The following SPIDR variants were observed in gnomAD, a reference collection of about 807,000 sequenced individuals.
The protein encoded by SPIDR is scaffold protein involved in DNA repair, also known as DNA repair-scaffolding protein.
A neutral mutation model predicts 104.6 loss-of-function variants in SPIDR; 93 were observed. That is an observed-to-expected ratio of 0.89 (90% CI 0.75 to 1.06). SPIDR has a LOEUF of 1.06. SPIDR is among the 50% of genes least tolerant of loss of function. The pLI, the probability that SPIDR is intolerant of heterozygous loss-of-function variation, is 0.00. For synonymous variants in SPIDR, 431 were observed against 416.9 expected (o/e 1.03, Z -0.41); for missense variants, 1,154 against 1,111.2 (o/e 1.04, Z -0.55).
chr8:47,709,171 C>T (rs1441091830), intron 14 of SPIDR, among the ~76,000 whole-genome samples: 1 of 152,036 alleles, frequency 6.6e-6, no homozygotes, highest in African/African-American at 2.4e-5. Context: ...GATGGAGTCT[C>T]TCTCTGTCGC....
intron 5 of SPIDR, among the ~76,000 whole-genome samples, chr8:47,337,478 G>A (rs942173709): frequency 6.6e-6 from 1 of 151,762 alleles, no homozygotes; most frequent in Non-Finnish European, 1.5e-5. Context: ...GTATGTATTC[G>A]GTGTACAAGT....
At chr8:47,419,860 C>T (rs1429911764) in intron 7 of SPIDR, among the ~76,000 whole-genome samples, 2 of 152,092 alleles carry the variant, frequency 1.3e-5, no homozygotes, top group Non-Finnish European at 2.9e-5. Context: ...TTATTTCTGC[C>T]TTCATTTCGT....
chr8:47,293,330 T>C (rs892438196), intron 4 of SPIDR, among the ~76,000 whole-genome samples: 4 of 152,212 alleles, frequency 2.6e-5, no homozygotes, highest in Non-Finnish European at 5.9e-5. Context: ...TTAAACATGC[T>C]GGAGAAACTC....
rs754843249 is a variant in SPIDR at position 47,701,814 on chromosome 8, T to C, written c.1867T>C (p.Tyr623His). The C allele has an allele frequency of 1.1e-5, 18 of 1,614,084 alleles. No homozygotes were observed. Among genetic ancestry groups the C allele is most frequent in the Admixed American group, 1.0e-4 (6 of 59,998 alleles). Residue 623 changes from tyrosine to histidine, a missense_variant, in exon 13 of 20, where the codon TAT becomes CAT. Coordinates refer to ENST00000297423, the MANE Select transcript of SPIDR (RefSeq NM_001080394.4). ...QIDIIDEDPI[Y>H]KLYQPPVTRC... ...TGATATAATTGACGAAGACCCCATTTATAAGCTTTACCAGCCTCCAGTTAC... is the reference window on the plus strand; with the variant it reads ...TGATATAATTGACGAAGACCCCATTCATAAGCTTTACCAGCCTCCAGTTAC...
At chr8:47,711,895 A>T (rs979301346) in intron 14 of SPIDR, among the ~76,000 whole-genome samples, 1 of 152,138 alleles carries the variant, frequency 6.6e-6, no homozygotes, top group Non-Finnish European at 1.5e-5. Flanking sequence ...ACCCTCAGCT[A>T]CGCACCACAC....
intron 8 of SPIDR, among the ~76,000 whole-genome samples, chr8:47,451,739 A>T (rs536824623): frequency 7.2e-5 from 11 of 152,316 alleles, no homozygotes; most frequent in African/African-American, 2.4e-4. Context: ...CACCTGTGGG[A>T]CACTATCAAA....
intron 10 of SPIDR, among the ~76,000 whole-genome samples, chr8:47,622,545 G>A (rs1200443517): frequency 1.3e-5 from 2 of 152,146 alleles, no homozygotes; most frequent in Non-Finnish European, 2.9e-5. Flanking sequence ...CAGCTAGGGG[G>A]TGCACAGAAG....
Position 47,431,351 on chromosome 8 carries a change from G to A in SPIDR, c.878-8972G>A, listed in dbSNP as rs1466878540. On this transcript the variant is annotated intron_variant, in intron 7 of 19. Coordinates refer to ENST00000297423, the MANE Select transcript of SPIDR (RefSeq NM_001080394.4). Reference sequence around the variant, plus strand: ...TAGGACTTCAACATAGGAATTTTGAGGGGACACCAACATTCAATCTGTAAC... The same window carrying A: ...TAGGACTTCAACATAGGAATTTTGAAGGGACACCAACATTCAATCTGTAAC... Among the ~76,000 whole-genome samples, 3 of 152,310 alleles carry A rather than the reference G, an allele frequency of 2.0e-5. No homozygotes were observed. In the East Asian group the frequency reaches 5.8e-4, roughly 29 times the overall value.
At chr8:47,536,388 A>G (rs2086920602) in intron 8 of SPIDR, among the ~76,000 whole-genome samples, 1 of 152,218 alleles carries the variant, frequency 6.6e-6, no homozygotes, top group Admixed American at 6.5e-5. Context: ...TTCAAGAATT[A>G]TGGTAAGTAA....
intron 5 of SPIDR, among the ~76,000 whole-genome samples, chr8:47,301,190 C>T (rs954118523): frequency 6.0e-4 from 92 of 152,284 alleles, no homozygotes; most frequent in Admixed American, 1.7e-3. Context: ...GATCCCTTTA[C>T]CATTATGAAA....
At chr8:47,280,164 C>G in intron 2 of SPIDR, 147 bp downstream of exon 2, 1 of 624,602 alleles carries the variant, frequency 1.6e-6, no homozygotes, top group Non-Finnish European at 2.5e-6. Flanking sequence ...CCTTTCATTC[C>G]TTGAATTCCT....
At chr8:47,616,027 T>G (rs1273059436) in intron 10 of SPIDR, among the ~76,000 whole-genome samples, 3 of 152,266 alleles carry the variant, frequency 2.0e-5, no homozygotes, top group African/African-American at 7.2e-5. Flanking sequence ...TTGTTGATCT[T>G]GTATCCTGCA....
At chr8:47,461,168 G>A (rs769734911) in intron 8 of SPIDR, among the ~76,000 whole-genome samples, 2 of 152,144 alleles carry the variant, frequency 1.3e-5, no homozygotes, top group Non-Finnish European at 2.9e-5. Context: ...CCAGATGTTC[G>A]TTCTTGTATT....
intron 1 of SPIDR, 115 bp from the exon 2 acceptor site, chr8:47,279,747 C>T: frequency 9.6e-7 from 1 of 1,041,496 alleles, no homozygotes; most frequent in African/African-American, 1.6e-5. Flanking sequence ...AAAACTATAC[C>T]TTTACTGATG....
intron 10 of SPIDR, among the ~76,000 whole-genome samples, chr8:47,610,959 C>A (rs944991605): frequency 9.9e-5 from 15 of 152,178 alleles, no homozygotes; most frequent in Non-Finnish European, 1.3e-4. Context: ...CTTCAGTTGT[C>A]TCATTTAACC....
At chr8:47,623,186 T>G (rs570765063) in intron 10 of SPIDR, among the ~76,000 whole-genome samples, 1 of 152,244 alleles carries the variant, frequency 6.6e-6, no homozygotes, top group African/African-American at 2.4e-5. Flanking sequence ...AAGCAAATGC[T>G]GAGAGATTTT....
chr8:47,647,371 T>C (rs1282395883), intron 10 of SPIDR, among the ~76,000 whole-genome samples: 3 of 152,080 alleles, frequency 2.0e-5, no homozygotes, highest in African/African-American at 7.2e-5. Flanking sequence ...TCCCAGCACT[T>C]TGGGAGGCCG....
intron 8 of SPIDR, among the ~76,000 whole-genome samples, chr8:47,574,555 A>G (rs1035933722): frequency 5.9e-5 from 9 of 152,120 alleles, no homozygotes; most frequent in Admixed American, 2.0e-4. Flanking sequence ...GTCAGGAGCA[A>G]GACCAGCCAG....
At chr8:47,327,752 G>A (rs1198419155) in intron 5 of SPIDR, among the ~76,000 whole-genome samples, 7 of 151,962 alleles carry the variant, frequency 4.6e-5, no homozygotes, top group African/African-American at 1.7e-4. Flanking sequence ...TAGTAGACAC[G>A]GGGTTTCACC....
Sources: allele counts gnomAD v4.1 joint callset (sites outside exome capture counted in the v4.1 genomes callset), GRCh38; gene constraint gnomAD v4.1.1; transcripts MANE v1.5; gene names NCBI Gene and HGNC (gene_info 2026-07-23, HGNC 2026-07-21).